The following CAMKMT variants were observed in gnomAD, a reference collection of about 807,000 sequenced individuals.
CAMKMT encodes CaM KMT.
A neutral mutation model predicts 48.0 loss-of-function variants in CAMKMT; 53 were observed. That is an observed-to-expected ratio of 1.10 (90% CI 0.89 to 1.39). CAMKMT has a LOEUF of 1.39. Ranked by LOEUF, CAMKMT falls within the 40% of genes most tolerant of loss-of-function variation. The pLI is 0.00. For synonymous variants in CAMKMT, 165 were observed against 152.3 expected (o/e 1.08, Z -0.61); for missense variants, 428 against 402.7 (o/e 1.06, Z -0.54).
At chr2:44,715,384 C>T (rs771054927) in intron 7 of CAMKMT, 31 bp downstream of exon 7, 6 of 1,535,280 alleles carry the variant, frequency 3.9e-6, no homozygotes, top group Non-Finnish European at 4.5e-6. Context: ...AAAAAATTCC[C>T]ATTGAAATTG....
At chr2:44,552,738 A>T (rs1667789842) in intron 3 of CAMKMT, among the ~76,000 whole-genome samples, 1 of 152,240 alleles carries the variant, frequency 6.6e-6, no homozygotes, top group Non-Finnish European at 1.5e-5. Flanking sequence ...GTCCAAAGTC[A>T]TATGGTATGT....
chr2:44,772,379 G>A lies in CAMKMT; in HGVS notation c.*266G>A. ...AAATGTGTATAAGCTGCCTGTCTGTGACTTGAATTTGACTGGTGAACAAAC... is the reference window on the plus strand; with the variant it reads ...AAATGTGTATAAGCTGCCTGTCTGTAACTTGAATTTGACTGGTGAACAAAC... On this transcript the variant is annotated 3_prime_UTR_variant, in exon 11 of 11. Coordinates refer to ENST00000378494, the MANE Select transcript of CAMKMT (RefSeq NM_024766.5). The A allele has an allele frequency of 3.2e-6, 1 of 312,190 alleles. No individual in the cohort carries two copies. The highest frequency in any genetic ancestry group is 5.8e-6 in the Non-Finnish European group (1 of 172,194). The allele number at this position is 312,190 out of a possible 1,614,324, so 19.3% of individuals were successfully genotyped here.
intron 7 of CAMKMT, among the ~76,000 whole-genome samples, chr2:44,728,985 G>C (rs1025616618): frequency 6.9e-6 from 1 of 145,686 alleles, no homozygotes; most frequent in Non-Finnish European, 1.5e-5. Context: ...GTGGTTTACT[G>C]TGTCTTATTT....
At chr2:44,604,214 A>C (rs565948867) in intron 3 of CAMKMT, among the ~76,000 whole-genome samples, 1 of 152,314 alleles carries the variant, frequency 6.6e-6, no homozygotes, top group African/African-American at 2.4e-5. Context: ...CAGATTTAGT[A>C]ATCATTTTCT....
At chr2:44,623,878 A>G (rs1463579839) in intron 3 of CAMKMT, among the ~76,000 whole-genome samples, 1 of 152,182 alleles carries the variant, frequency 6.6e-6, no homozygotes, top group African/African-American at 2.4e-5. Context: ...TTATATATAA[A>G]TGGAATTATA....
chr2:44,406,859 C>T (rs1682816763), intron 3 of CAMKMT, among the ~76,000 whole-genome samples: 3 of 152,212 alleles, frequency 2.0e-5, no homozygotes, highest in African/African-American at 7.2e-5. Flanking sequence ...CACCACACCA[C>T]ATCTTCCCAA....
chr2:44,554,059 T>C (rs1667870472), intron 3 of CAMKMT, among the ~76,000 whole-genome samples: 1 of 152,146 alleles, frequency 6.6e-6, no homozygotes, highest in South Asian at 2.1e-4. Context: ...AAGAACACAG[T>C]TTTAGAAATG....
chr2:44,456,524 A>C, intron 3 of CAMKMT: 2 of 1,545,292 alleles, frequency 1.3e-6, no homozygotes, highest in Non-Finnish European at 1.7e-6. Flanking sequence ...CTTTAACTAC[A>C]GCCAAGTTTA....
chr2:44,623,416 A>T (rs1672301883), intron 3 of CAMKMT, among the ~76,000 whole-genome samples: 1 of 152,142 alleles, frequency 6.6e-6, no homozygotes, highest in African/African-American at 2.4e-5. Context: ...GATACAGAGG[A>T]GGGTATTTCC....
intron 3 of CAMKMT, among the ~76,000 whole-genome samples, chr2:44,632,851 G>A (rs1480689562): frequency 6.6e-6 from 1 of 152,138 alleles, no homozygotes; most frequent in Non-Finnish European, 1.5e-5. Context: ...AATGCTTCCT[G>A]CCCTCGAACA....
At chr2:44,529,661 A>G (rs1666361729) in intron 3 of CAMKMT, among the ~76,000 whole-genome samples, 1 of 152,174 alleles carries the variant, frequency 6.6e-6, no homozygotes, top group African/African-American at 2.4e-5. Context: ...CACATTCTTC[A>G]GCTCTGACCA....
At chr2:44,602,462 A>G (rs377243323) in intron 3 of CAMKMT, among the ~76,000 whole-genome samples, 1 of 152,134 alleles carries the variant, frequency 6.6e-6, no homozygotes, top group Non-Finnish European at 1.5e-5. Flanking sequence ...ACACACATAT[A>G]TCCACCATTT....
At chr2:44,379,936 C>A (rs373658612) in intron 2 of CAMKMT, among the ~76,000 whole-genome samples, 1 of 151,882 alleles carries the variant, frequency 6.6e-6, no homozygotes, top group East Asian at 1.9e-4. Flanking sequence ...TTTCTTTTAA[C>A]TTTCTTGATA....
At chr2:44,570,290 C>T (rs934514666) in intron 3 of CAMKMT, among the ~76,000 whole-genome samples, 8 of 152,008 alleles carry the variant, frequency 5.3e-5, no homozygotes, top group African/African-American at 1.9e-4. Context: ...GAATAAAACC[C>T]CAGTGTGCCA....
intron 7 of CAMKMT, among the ~76,000 whole-genome samples, chr2:44,719,508 G>C (rs554180924): frequency 6.6e-6 from 1 of 152,322 alleles, no homozygotes; most frequent in South Asian, 2.1e-4. Flanking sequence ...GAGGGAAACA[G>C]ATCATGTTCT....
intron 3 of CAMKMT, among the ~76,000 whole-genome samples, chr2:44,641,260 T>C (rs1558764760): frequency 1.3e-5 from 2 of 152,204 alleles, no homozygotes; most frequent in African/African-American, 4.8e-5. Flanking sequence ...GATTCTAGCA[T>C]AGATGACCTA....
intron 3 of CAMKMT, among the ~76,000 whole-genome samples, chr2:44,454,874 G>A (rs1000428909): frequency 6.6e-6 from 1 of 152,094 alleles, no homozygotes; most frequent in African/African-American, 2.4e-5. Flanking sequence ...ACCTAGAGAG[G>A]ATATTATTTA....
At chr2:44,390,017 G>A (rs1159995198) in intron 2 of CAMKMT, among the ~76,000 whole-genome samples, 5 of 152,142 alleles carry the variant, frequency 3.3e-5, no homozygotes, top group Non-Finnish European at 7.4e-5. Flanking sequence ...ACTTTAAGAT[G>A]TAGATTAATC....
chr2:44,374,567 G>A (rs776294833), intron 2 of CAMKMT, among the ~76,000 whole-genome samples: 8 of 152,152 alleles, frequency 5.3e-5, no homozygotes, highest in Admixed American at 3.9e-4. Flanking sequence ...GTAAGGGTTA[G>A]CCAGTGAGAA....
Sources: allele counts gnomAD v4.1 joint callset (sites outside exome capture counted in the v4.1 genomes callset), GRCh38; gene constraint gnomAD v4.1.1; transcripts MANE v1.5; gene names NCBI Gene and HGNC (gene_info 2026-07-23, HGNC 2026-07-21).